Variants in BCAS1 observed in about 807,000 individuals in gnomAD.
BCAS1 encodes the protein breast carcinoma-amplified sequence 1.
Under a neutral mutation model 65.4 loss-of-function variants are expected in BCAS1, and 46 were observed. The observed-to-expected ratio is 0.70, with a 90% CI of 0.55 to 0.90. BCAS1 has a LOEUF of 0.90. BCAS1 is among the 40% of genes least tolerant of loss of function. The pLI is 0.00. For missense variants in BCAS1, 793 were observed against 771.2 expected (o/e 1.03, Z -0.33); for synonymous variants, 298 against 293.5 (o/e 1.02, Z -0.16).
intron 7 of BCAS1, among the ~76,000 whole-genome samples, chr20:53,991,655 G>A (rs1307196251): frequency 6.6e-6 from 1 of 152,174 alleles, no homozygotes; most frequent in Admixed American, 6.6e-5. Context: ...CCAAGGACAT[G>A]GAGCTGAAAC....
chr20:54,061,025 A>G (rs2092370756), intron 1 of BCAS1, among the ~76,000 whole-genome samples: 1 of 152,248 alleles, frequency 6.6e-6, no homozygotes, highest in Non-Finnish European at 1.5e-5. Flanking sequence ...TGATGATAAT[A>G]GCAAATCATT....
intron 4 of BCAS1, among the ~76,000 whole-genome samples, chr20:54,002,417 G>A (rs944665024): frequency 6.6e-6 from 1 of 152,190 alleles, no homozygotes; most frequent in African/African-American, 2.4e-5. Context: ...TTTTAGGCAA[G>A]AGGGCAAAGC....
In BCAS1 at chr20:53,976,701, G is replaced by A. The variant is rs549272711; in HGVS notation, c.1276-1271C>T. Among the ~76,000 whole-genome samples, 22 of 152,184 alleles carry A rather than the reference G, an allele frequency of 1.4e-4. No homozygotes were observed. In the South Asian group the frequency reaches 3.1e-3, roughly 22 times the overall value. ...TTTCCCCTGCTATGATGACTTCAAG[G>A]GTCAGAAACACATTTTTTCGGCAAT... On this transcript the variant is annotated intron_variant, in intron 8 of 12. Transcript: ENST00000688948.
rs1440416796 is a variant in BCAS1, at chr20:53,985,908, T to G, written c.1063-409A>C. Among the ~76,000 whole-genome samples, 3 of 152,206 alleles carry G rather than the reference T, an allele frequency of 2.0e-5. No individual in the cohort carries two copies. In the East Asian group the frequency reaches 5.8e-4, roughly 29 times the overall value. On this transcript the variant is annotated intron_variant, in intron 7 of 12. Transcript: ENST00000688948. ...TGCATACTTATTTATGTATATATTA[T>G]AAACATGCATCATCTTACTGATCAA...
chr20:53,965,565 C>T (rs554939089), intron 10 of BCAS1, among the ~76,000 whole-genome samples: 1 of 152,236 alleles, frequency 6.6e-6, no homozygotes, highest in South Asian at 2.1e-4. Flanking sequence ...GTAAATATAT[C>T]TATCACATTC....
chr20:54,045,619 G>A (rs2092089812), intron 3 of BCAS1, among the ~76,000 whole-genome samples: 2 of 152,180 alleles, frequency 1.3e-5, no homozygotes, highest in South Asian at 4.1e-4. Flanking sequence ...AAATGCCTAT[G>A]CTAAAGAAAA....
intron 4 of BCAS1, among the ~76,000 whole-genome samples, chr20:54,007,495 C>T (rs2091225507): frequency 6.6e-6 from 1 of 152,160 alleles, no homozygotes; most frequent in Non-Finnish European, 1.5e-5. Context: ...CACAGGAGCC[C>T]GCTGCCTTTC....
At chr20:53,989,099 A>C (rs1373106509) in intron 7 of BCAS1, among the ~76,000 whole-genome samples, 2 of 152,228 alleles carry the variant, frequency 1.3e-5, no homozygotes, top group African/African-American at 4.8e-5. Context: ...ATTACAGTGC[A>C]TTAACAGGTA....
chr20:53,974,138 A>C (rs963455875), intron 9 of BCAS1, among the ~76,000 whole-genome samples: 2 of 152,226 alleles, frequency 1.3e-5, no homozygotes, highest in Non-Finnish European at 2.9e-5. Context: ...AAATGGACCA[A>C]TCAGCACTCT....
chr20:54,053,365 G>A (rs1035498980), intron 3 of BCAS1, among the ~76,000 whole-genome samples: 8 of 152,074 alleles, frequency 5.3e-5, no homozygotes, highest in Admixed American at 1.3e-4. Context: ...CACTCTACAC[G>A]ATACATTTCT....
intron 1 of BCAS1, among the ~76,000 whole-genome samples, chr20:54,061,220 A>G (rs1203999624): frequency 6.6e-6 from 1 of 152,154 alleles, no homozygotes; most frequent in African/African-American, 2.4e-5. Context: ...AGATTCAAAC[A>G]CAGTCTGGCT....
At chr20:54,055,606 G>C (rs1034404353) in intron 3 of BCAS1, among the ~76,000 whole-genome samples, 1 of 152,096 alleles carries the variant, frequency 6.6e-6, no homozygotes, top group African/African-American at 2.4e-5. Context: ...TGGGGACACA[G>C]AGCAAAACCA....
chr20:54,005,492 T>C (rs552792803), intron 4 of BCAS1, among the ~76,000 whole-genome samples: 5 of 151,796 alleles, frequency 3.3e-5, no homozygotes, highest in African/African-American at 7.2e-5. Flanking sequence ...TGTCTCAAGA[T>C]AAAAAGAAAA....
chr20:54,023,851 T>C (rs1568888582), intron 4 of BCAS1, among the ~76,000 whole-genome samples: 1 of 152,268 alleles, frequency 6.6e-6, no homozygotes. Flanking sequence ...CCTTTGGTTA[T>C]ACAACTCTTA....
intron 4 of BCAS1, among the ~76,000 whole-genome samples, chr20:54,025,442 C>T (rs1442773373): frequency 6.6e-6 from 1 of 152,172 alleles, no homozygotes; most frequent in East Asian, 1.9e-4. Flanking sequence ...GTAAACGCTT[C>T]ATTTGTTCAT....
chr20:54,062,143 C>A (rs937453746), intron 1 of BCAS1, among the ~76,000 whole-genome samples: 1 of 152,142 alleles, frequency 6.6e-6, no homozygotes, highest in Non-Finnish European at 1.5e-5. Context: ...ACACCTATGG[C>A]CTGCAAAGCC....
At position 53,953,649 on chromosome 20, in the gene BCAS1, G is replaced by T. The variant is rs1568804361; in HGVS notation, c.1598C>A (p.Pro533Gln). 9.9e-6 allele frequency: 16 copies of T among 1,613,712 alleles called. No homozygotes were observed. Among genetic ancestry groups the T allele is most frequent in the African/African-American group, 1.3e-5 (1 of 74,792 alleles). Residue 533 changes from proline (P) to glutamine (Q), a missense_variant, in exon 12 of 13, where the codon CCA (proline) becomes CAA (glutamine). Physicochemically the swap from Pro to Gln is moderately conservative, Grantham distance 76. Transcript: ENST00000688948. ...TTTACCCTTCTGTGGTGCTCCTGTTGGTTCAGGCTCTGGCGGTGTGATAGT... is the reference window on the plus strand; with the variant it reads ...TTTACCCTTCTGTGGTGCTCCTGTTTGTTCAGGCTCTGGCGGTGTGATAGT... ...EKTITPPEPE[P>Q]TGAPQKGKEG... is the part of the protein sequence containing the mutation.
chr20:53,974,829 T>A (rs550193391), intron 9 of BCAS1, among the ~76,000 whole-genome samples: 1 of 152,342 alleles, frequency 6.6e-6, no homozygotes, highest in South Asian at 2.1e-4. Flanking sequence ...CTTGAAAATT[T>A]TGACAATTCC....
chr20:53,975,927 C>T (rs2090322363), intron 8 of BCAS1, among the ~76,000 whole-genome samples: 1 of 152,162 alleles, frequency 6.6e-6, no homozygotes, highest in Non-Finnish European at 1.5e-5. Context: ...CAAGCCCTAC[C>T]CTGACCATAG....
Sources: allele counts gnomAD v4.1 joint callset (sites outside exome capture counted in the v4.1 genomes callset), GRCh38; gene constraint gnomAD v4.1.1; transcripts MANE v1.5; gene names NCBI Gene and HGNC (gene_info 2026-07-23, HGNC 2026-07-21).